Variants in SPATA17 observed in about 807,000 individuals in gnomAD.
SPATA17 encodes spermatogenesis-associated protein 17.
In SPATA17, 53 loss-of-function variants were observed where a neutral mutation model predicts 62.2. The ratio of observed to expected loss-of-function variants is 0.85; its 90% CI spans 0.68 to 1.07. The LOEUF (loss-of-function observed/expected upper bound fraction) is 1.07. SPATA17 is among the 50% of genes least tolerant of loss of function. The pLI, the probability that SPATA17 is intolerant of heterozygous loss-of-function variation, is 0.00. For synonymous variants in SPATA17, 146 were observed against 146.8 expected, an observed-to-expected ratio of 0.99 and a Z score of 0.04; for missense variants, 466 against 425.5, an observed-to-expected ratio of 1.10 and a Z score of -0.84.
At chr1:217,665,189 C>G (rs1418696182) in intron 3 of SPATA17, 1 of 152,158 alleles carries the variant, frequency 6.6e-6, no homozygotes, top group Non-Finnish European at 1.5e-5. Flanking sequence ...ATGGGATATA[C>G]TCTCATCAGT....
intron 5 of SPATA17, among the ~76,000 whole-genome samples, chr1:217,689,221 C>CTTT (rs200885875): frequency 0.025 from 2,607 of 102,462 alleles, 82 homozygotes; most frequent in African/African-American, 0.039. Flanking sequence ...TTTATTATGT[C>CTTT]TTTTTTTTTT....
chr1:217,654,942 C>T (rs1231244434), intron 3 of SPATA17, among the ~76,000 whole-genome samples: 2 of 152,110 alleles, frequency 1.3e-5, no homozygotes, highest in Non-Finnish European at 2.9e-5. Context: ...AATCTCCTGA[C>T]CTTGTGATAT....
At chr1:217,850,465 G>C in intron 9 of SPATA17, 2 of 1,304,504 alleles carry the variant, frequency 1.5e-6, no homozygotes, top group East Asian at 2.6e-5. Flanking sequence ...GTTGTAGTCA[G>C]AAAGAGTACA....
At chr1:217,805,518 A>G (rs974330286) in intron 9 of SPATA17, among the ~76,000 whole-genome samples, 1 of 152,214 alleles carries the variant, frequency 6.6e-6, no homozygotes, top group Non-Finnish European at 1.5e-5. Context: ...ATGACTCAGC[A>G]TAGATCTTAA....
chr1:217,735,805 G>C (rs1377864333), intron 5 of SPATA17, among the ~76,000 whole-genome samples: 1 of 151,906 alleles, frequency 6.6e-6, no homozygotes, highest in Non-Finnish European at 1.5e-5. Flanking sequence ...AGTTTGAAAT[G>C]AACAAGAAAA....
chr1:217,670,040 G>A (rs75756160), intron 4 of SPATA17, among the ~76,000 whole-genome samples: 5 of 152,168 alleles, frequency 3.3e-5, no homozygotes, highest in African/African-American at 9.6e-5. Context: ...TTGAGCCAGA[G>A]GCAGAAAATC....
At chr1:217,643,304 G>A (rs955020262) in intron 1 of SPATA17, among the ~76,000 whole-genome samples, 7 of 152,076 alleles carry the variant, frequency 4.6e-5, no homozygotes, top group Non-Finnish European at 8.8e-5. Flanking sequence ...CTTAGACCCA[G>A]TGCGGGCTCT....
rs1553251071 is a variant in SPATA17, at chr1:217,770,978, A to AATTT, written c.520-3356_520-3355insATTT. ...ATGTATCTATTATATAACTCATTGC[A>AATTT]TTTTTTTTTTTTTTTTTTTTTTTTT... On this transcript the variant is annotated intron_variant, in intron 6 of 10. Coordinates refer to ENST00000366933, the MANE Select transcript of SPATA17 (RefSeq NM_138796.4). 4.0e-5 allele frequency among the ~76,000 whole-genome samples: 2 copies of AATTT among 50,148 alleles called. 1 individual carries two copies. Among genetic ancestry groups the AATTT allele is most frequent in the East Asian group, 1.7e-3 (2 of 1,198 alleles). 32.9% of individuals were successfully genotyped at this position (50,148 alleles called of 152,430 possible).
At chr1:217,855,993 G>A (rs888861293) in intron 9 of SPATA17, among the ~76,000 whole-genome samples, 1 of 151,818 alleles carries the variant, frequency 6.6e-6, no homozygotes, top group African/African-American at 2.4e-5. Context: ...CCAAAGTGCT[G>A]GGATAACAGG....
At chr1:217,862,732 C>A (rs1245107442) in intron 9 of SPATA17, 42 bp from the exon 10 acceptor site, 1 of 1,353,536 alleles carries the variant, frequency 7.4e-7, no homozygotes, top group Non-Finnish European at 1.0e-6. Context: ...AACATAAAAT[C>A]ATGAAGATCT....
At chr1:217,637,507 C>T (rs1316931561) in intron 1 of SPATA17, among the ~76,000 whole-genome samples, 1 of 152,070 alleles carries the variant, frequency 6.6e-6, no homozygotes, top group Non-Finnish European at 1.5e-5. Context: ...ACTTCATTAC[C>T]CTGTAGCAAC....
At chr1:217,792,300 A>C (rs1405237187) in intron 8 of SPATA17, among the ~76,000 whole-genome samples, 1 of 152,130 alleles carries the variant, frequency 6.6e-6, no homozygotes, top group Non-Finnish European at 1.5e-5. Context: ...CATTCAAGGA[A>C]ACTCAAGAAA....
At chr1:217,812,740 T>G (rs1332805777) in intron 9 of SPATA17, among the ~76,000 whole-genome samples, 1 of 152,220 alleles carries the variant, frequency 6.6e-6, no homozygotes, top group African/African-American at 2.4e-5. Flanking sequence ...AAATTCAGTG[T>G]ACTAAAAACA....
chr1:217,793,012 T>C, intron 8 of SPATA17, among the ~76,000 whole-genome samples: 1 of 152,154 alleles, frequency 6.6e-6, no homozygotes, highest in East Asian at 1.9e-4. Context: ...GTTCCTCTAG[T>C]GTATCAAGGG....
intron 5 of SPATA17, among the ~76,000 whole-genome samples, chr1:217,717,016 T>A (rs1436741903): frequency 1.3e-5 from 2 of 152,218 alleles, no homozygotes; most frequent in Non-Finnish European, 2.9e-5. Flanking sequence ...CAGTCTTTTT[T>A]AAAGCCAGAC....
At chr1:217,751,897 T>A (rs192136042) in intron 6 of SPATA17, among the ~76,000 whole-genome samples, 1 of 152,302 alleles carries the variant, frequency 6.6e-6, no homozygotes, top group African/African-American at 2.4e-5. Context: ...AATAAATTCC[T>A]TAGAAAAACA....
At chr1:217,700,152 CT>C (rs1325677954) in intron 5 of SPATA17, among the ~76,000 whole-genome samples, 1 of 151,834 alleles carries the variant, frequency 6.6e-6, no homozygotes, top group Non-Finnish European at 1.5e-5. Flanking sequence ...CAGCCTTTTG[CT>C]TTTCCATATA....
intron 6 of SPATA17, among the ~76,000 whole-genome samples, chr1:217,772,956 G>A (rs1253004460): frequency 6.6e-6 from 1 of 151,668 alleles, no homozygotes; most frequent in Non-Finnish European, 1.5e-5. Context: ...CATTTGGGAT[G>A]GGATGTTGCA....
rs1341011096 is a variant in SPATA17, at chr1:217,756,054, T to G, written c.519+13956T>G. 3.3e-5 allele frequency among the ~76,000 whole-genome samples: 5 copies of G among 152,120 alleles called. 1 individual carries two copies. The highest frequency in any genetic ancestry group is 7.4e-5 in the Non-Finnish European group (5 of 67,996). On this transcript the variant is annotated intron_variant, in intron 6 of 10. Transcript: ENST00000366933. ...TAGGTGAATTCATAAAGGAGAACAA[T>G]CATGCCATTTTGATATCTCCAGTTT...
Sources: gnomAD v4.1 joint callset for allele counts (sites outside exome capture counted in the v4.1 genomes callset) on GRCh38, gnomAD v4.1.1 for gene constraint, MANE v1.5 for transcripts, NCBI Gene and HGNC (gene_info 2026-07-23, HGNC 2026-07-21) for gene names.